CNTN3: variants seen among roughly 807,000 people sequenced by gnomAD.
CNTN3 encodes the protein contactin 3.
Under a neutral mutation model 119.1 loss-of-function variants are expected in CNTN3, and 60 were observed. The ratio of observed to expected loss-of-function variants is 0.50; its 90% CI spans 0.41 to 0.62. The LOEUF is 0.62. Among genes scored for constraint, CNTN3 ranks in the 20% least tolerant of loss-of-function variants. CNTN3 has a pLI of 0.00. For missense variants in CNTN3, 1,101 were observed against 1,242.4 expected, an observed-to-expected ratio of 0.89 and a Z score of 1.71; for synonymous variants, 450 against 438.7, an observed-to-expected ratio of 1.03 and a Z score of -0.32.
chr3:74,302,194 C>A (rs997982121), intron 14 of CNTN3, among the ~76,000 whole-genome samples: 1 of 152,142 alleles, frequency 6.6e-6, no homozygotes, highest in Non-Finnish European at 1.5e-5. Flanking sequence ...AATCTGATAT[C>A]TAGATGTGTT....
At chr3:74,296,547 C>T (rs1050501173) in intron 18 of CNTN3, among the ~76,000 whole-genome samples, 5 of 152,108 alleles carry the variant, frequency 3.3e-5, no homozygotes, top group South Asian at 4.1e-4. Flanking sequence ...GGCGGGGAGC[C>T]GAAGAAAAAT....
At chr3:74,588,863 C>A (rs932941965) in intron 1 of CNTN3, among the ~76,000 whole-genome samples, 8 of 152,086 alleles carry the variant, frequency 5.3e-5, no homozygotes, top group African/African-American at 1.4e-4. Flanking sequence ...GGAAAGGATT[C>A]CCTATTTAAT....
chr3:74,555,171 CAT>C (rs1704050816), intron 1 of CNTN3, among the ~76,000 whole-genome samples: 1 of 152,124 alleles, frequency 6.6e-6, no homozygotes, highest in Non-Finnish European at 1.5e-5. Flanking sequence ...TTGAGGTAAT[CAT>C]GTGGTTTTTG....
intron 11 of CNTN3, among the ~76,000 whole-genome samples, chr3:74,340,597 A>G (rs1218118743): frequency 1.3e-5 from 2 of 152,138 alleles, no homozygotes; most frequent in Non-Finnish European, 2.9e-5. Flanking sequence ...CATTGTTATT[A>G]AAAAGAAAAT....
At chr3:74,402,265 G>A (rs1037249911) in intron 5 of CNTN3, among the ~76,000 whole-genome samples, 4 of 152,148 alleles carry the variant, frequency 2.6e-5, no homozygotes, top group African/African-American at 9.6e-5. Context: ...CACTGTTTAA[G>A]GGATGGATAT....
intron 11 of CNTN3, among the ~76,000 whole-genome samples, chr3:74,340,692 G>A (rs1703512540): frequency 6.6e-6 from 1 of 152,068 alleles, no homozygotes; most frequent in Non-Finnish European, 1.5e-5. Context: ...TAAATAATAA[G>A]GCAAATTAAT....
intron 3 of CNTN3, among the ~76,000 whole-genome samples, chr3:74,488,408 C>T (rs898069397): frequency 3.3e-5 from 5 of 152,076 alleles, no homozygotes; most frequent in African/African-American, 4.8e-5. Flanking sequence ...CCACTGCACC[C>T]GGCCATAAAC....
At chr3:74,599,449 A>AT (rs552640629) in intron 1 of CNTN3, among the ~76,000 whole-genome samples, 327 of 152,100 alleles carry the variant, frequency 2.1e-3, no homozygotes, top group Admixed American at 7.1e-3. Context: ...ATGGAAGACT[A>AT]TTTTTCCATG....
intron 13 of CNTN3, among the ~76,000 whole-genome samples, chr3:74,314,433 A>T (rs961496254): frequency 3.9e-5 from 6 of 152,204 alleles, no homozygotes; most frequent in Non-Finnish European, 8.8e-5. Flanking sequence ...ATATATGAAG[A>T]CACACATAGA....
intron 1 of CNTN3, among the ~76,000 whole-genome samples, chr3:74,535,030 C>T (rs961853881): frequency 1.3e-5 from 2 of 151,998 alleles, no homozygotes; most frequent in Non-Finnish European, 2.9e-5. Flanking sequence ...ATATAATTGA[C>T]ACCTTGTCTG....
intron 1 of CNTN3, among the ~76,000 whole-genome samples, chr3:74,587,264 T>G (rs1704609916): frequency 2.0e-5 from 3 of 152,072 alleles, no homozygotes; most frequent in African/African-American, 7.2e-5. Flanking sequence ...ACAAATGTCA[T>G]TGTTTTCCTC....
chr3:74,609,186 G>C (rs1705040674), intron 1 of CNTN3, among the ~76,000 whole-genome samples: 2 of 152,150 alleles, frequency 1.3e-5, no homozygotes, highest in African/African-American at 2.4e-5. Context: ...TAAGTATCAG[G>C]GGAGAATTAG....
chr3:74,375,407 C>G (rs566328694), intron 5 of CNTN3, among the ~76,000 whole-genome samples: 2 of 152,086 alleles, frequency 1.3e-5, no homozygotes, highest in South Asian at 4.2e-4. Context: ...GTGGGGTAGG[C>G]AGAATAAATG....
At chr3:74,590,560 G>T (rs746782630) in intron 1 of CNTN3, among the ~76,000 whole-genome samples, 1 of 151,910 alleles carries the variant, frequency 6.6e-6, no homozygotes, top group African/African-American at 2.4e-5. Flanking sequence ...ACATATGGGG[G>T]CATTTTAGTT....
intron 20 of CNTN3, among the ~76,000 whole-genome samples, chr3:74,282,241 G>C (rs2106775690): frequency 6.6e-6 from 1 of 151,020 alleles, no homozygotes; most frequent in South Asian, 2.1e-4. Context: ...TACAGTACTT[G>C]AGAATCCTTG....
intron 2 of CNTN3, among the ~76,000 whole-genome samples, chr3:74,513,655 A>AAG (rs1491111412): frequency 2.0e-5 from 3 of 151,962 alleles, no homozygotes; most frequent in African/African-American, 7.2e-5. Context: ...AAAAAAAAAA[A>AAG]AGAGCAGCTT....
chr3:74,402,655 G>A (rs1705227674), intron 5 of CNTN3, among the ~76,000 whole-genome samples: 1 of 152,022 alleles, frequency 6.6e-6, no homozygotes, highest in Admixed American at 6.6e-5. Flanking sequence ...TTATGGAGGT[G>A]GATTCCAATT....
chr3:74,600,611 C>T lies in CNTN3; in HGVS notation c.-81+13780G>A, dbSNP rs182567921. ...AGAGATAATTCACCCAGATCCAACC[C>T]CCCAGTGTGCAGTCTATTACTTTAG... On this transcript the variant is annotated intron_variant, in intron 1 of 22. Transcript: ENST00000263665. Among the ~76,000 whole-genome samples, 480 of 152,114 alleles carry T rather than the reference C, an allele frequency of 3.2e-3. 1 individual carries two copies. The highest frequency in any genetic ancestry group is 0.014 in the Middle Eastern group (4 of 294).
At chr3:74,580,538 T>C (rs762900672) in intron 1 of CNTN3, among the ~76,000 whole-genome samples, 3 of 152,190 alleles carry the variant, frequency 2.0e-5, no homozygotes, top group Non-Finnish European at 2.9e-5. Flanking sequence ...CACATTCGTA[T>C]ATTTTAAAAA....
Sources: gnomAD v4.1 joint callset for allele counts (sites outside exome capture counted in the v4.1 genomes callset) on GRCh38, gnomAD v4.1.1 for gene constraint, MANE v1.5 for transcripts, NCBI Gene and HGNC (gene_info 2026-07-23, HGNC 2026-07-21) for gene names.